OASL: variants seen among roughly 807,000 people sequenced by gnomAD.
OASL encodes the protein 2'-5'-oligoadenylate synthase-like protein.
OASL carries 28 observed loss-of-function variants against 35.3 expected under a neutral mutation model. The observed-to-expected ratio is 0.79, with a 90% CI of 0.59 to 1.09. The LOEUF (loss-of-function observed/expected upper bound fraction) is 1.09, where lower values mean the gene tolerates loss of function less well. Among genes scored for constraint, OASL ranks in the 50% least tolerant of loss-of-function variants. OASL has a pLI of 0.00. For synonymous variants in OASL, 252 were observed against 254.6 expected (o/e 0.99, Z 0.10); for missense variants, 620 against 635.2 (o/e 0.98, Z 0.26).
At chr12:121,033,213 C>T (rs1378014409) in intron 2 of OASL, among the ~76,000 whole-genome samples, 1 of 152,092 alleles carries the variant, frequency 6.6e-6, no homozygotes, top group Admixed American at 6.6e-5. Flanking sequence ...CGTGAGCCAC[C>T]GCGCCCAGGC....
intron 4 of OASL, among the ~76,000 whole-genome samples, chr12:121,026,883 C>G (rs1869508803): frequency 6.6e-6 from 1 of 151,662 alleles, no homozygotes; most frequent in African/African-American, 2.4e-5. Flanking sequence ...CGCAATGAGA[C>G]CCAGATTCCT....
chr12:121,023,155 T>C (rs1432676230), intron 5 of OASL, among the ~76,000 whole-genome samples: 1 of 152,174 alleles, frequency 6.6e-6, no homozygotes, highest in East Asian at 1.9e-4. Context: ...ATTTTTTGTT[T>C]GTTTGTTTGT....
intron 2 of OASL, among the ~76,000 whole-genome samples, chr12:121,032,065 G>A (rs1869756219): frequency 1.3e-5 from 2 of 152,008 alleles, no homozygotes; most frequent in South Asian, 2.1e-4. Context: ...GCATGGTGGC[G>A]GGCTGTAATC....
chr12:121,035,048 G>C (rs1169277863), intron 1 of OASL, among the ~76,000 whole-genome samples: 1 of 151,730 alleles, frequency 6.6e-6, no homozygotes, highest in Non-Finnish European at 1.5e-5. Flanking sequence ...GAATTGCTAG[G>C]GAGGCATCAG....
At chr12:121,032,230 A>G (rs1869767486) in intron 2 of OASL, among the ~76,000 whole-genome samples, 1 of 152,080 alleles carries the variant, frequency 6.6e-6, no homozygotes, top group Admixed American at 6.6e-5. Context: ...AGGGAGAACC[A>G]GGAACCAGTT....
chr12:121,023,807 C>T (rs1869356684), intron 5 of OASL, 183 bp downstream of exon 5: 1 of 570,790 alleles, frequency 1.8e-6, no homozygotes, highest in Non-Finnish European at 3.0e-6. Flanking sequence ...GTAAGAAACC[C>T]AAGGCTCTGA....
intron 1 of OASL, 150 bp downstream of exon 1, chr12:121,038,624 G>C: frequency 1.5e-6 from 1 of 681,678 alleles, no homozygotes; most frequent in Non-Finnish European, 2.5e-6. Flanking sequence ...TGGTGCAGTG[G>C]GGTGTAGACA....
chr12:121,033,727 T>C, exon 2 of OASL: 2 of 1,612,928 alleles, frequency 1.2e-6, no homozygotes, highest in South Asian at 1.1e-5. Flanking sequence ...AACCGTGCCA[T>C]TCCCGAAGGA....
chr12:121,033,734 A>G (rs1350974701), exon 2 of OASL: 1 of 1,612,436 alleles, frequency 6.2e-7, no homozygotes, highest in Non-Finnish European at 8.5e-7. Flanking sequence ...CCATTCCCGA[A>G]GGAGCCCACC....
intron 5 of OASL, among the ~76,000 whole-genome samples, chr12:121,022,353 G>C (rs1869279321): frequency 6.6e-6 from 1 of 152,108 alleles, no homozygotes; most frequent in African/African-American, 2.4e-5. Flanking sequence ...CCAAAGTGCT[G>C]GGATTACAGA....
chr12:121,023,823 AAAGAATTTGTCC>A, intron 5 of OASL, 155 bp downstream of exon 5: 2 of 668,542 alleles, frequency 3.0e-6, no homozygotes, highest in Non-Finnish European at 4.8e-6. Context: ...TCTGAGAGCC[AAAGAATTTGTCC>A]AAGTTCACGG....
exon 6 of OASL, chr12:121,020,500 A>C: frequency 6.6e-7 from 1 of 1,504,046 alleles, no homozygotes; most frequent in Non-Finnish European, 9.0e-7. Context: ...GGACAGAGTG[A>C]TTGACAGGAT....
At chr12:121,033,472 T>C in exon 2 of OASL, 3 of 1,610,220 alleles carry the variant, frequency 1.9e-6, no homozygotes, top group Non-Finnish European at 2.5e-6. Flanking sequence ...CAGGGCTCTG[T>C]AGGCAGGCAC....
intron 2 of OASL, among the ~76,000 whole-genome samples, chr12:121,032,419 C>A (rs926061465): frequency 6.6e-6 from 1 of 152,158 alleles, no homozygotes; most frequent in African/African-American, 2.4e-5. Context: ...TTACTTCAAA[C>A]ACCTAGGACT....
At chr12:121,032,142 G>A (rs1029815544) in intron 2 of OASL, among the ~76,000 whole-genome samples, 2 of 152,110 alleles carry the variant, frequency 1.3e-5, no homozygotes, top group South Asian at 2.1e-4. Context: ...GCAGTGAGCC[G>A]AGATCACGGC....
At chr12:121,032,864 C>T (rs1214944894) in intron 2 of OASL, among the ~76,000 whole-genome samples, 1 of 152,126 alleles carries the variant, frequency 6.6e-6, no homozygotes, top group Non-Finnish European at 1.5e-5. Context: ...GTTACCCAGG[C>T]CACCCCATTC....
intron 5 of OASL, among the ~76,000 whole-genome samples, chr12:121,022,290 T>A (rs967538849): frequency 1.3e-5 from 2 of 152,114 alleles, no homozygotes; most frequent in Admixed American, 6.6e-5. Context: ...TTTTACCATG[T>A]TGGCCAGGAT....
At chr12:121,021,247 C>G (rs1409874008) in intron 5 of OASL, among the ~76,000 whole-genome samples, 189 bp from the exon 6 acceptor site, 1 of 152,200 alleles carries the variant, frequency 6.6e-6, no homozygotes, top group Non-Finnish European at 1.5e-5. Context: ...GCATTTTATT[C>G]TCAGAGCATC....
At position 121,037,591 on chromosome 12, in the gene OASL, G is replaced by A. The variant is rs147342793; in HGVS notation, c.198+1183C>T. On this transcript the variant is annotated intron_variant, in intron 1 of 5. Transcript: ENST00000257570. ...AGATCGAGACCATCCTAGCCAACAC[G>A]GTGAAACCCTGTCTCTACTAAAATA... 6.1e-4 allele frequency among the ~76,000 whole-genome samples: 92 copies of A among 150,852 alleles called. 1 individual carries two copies. The highest frequency in any genetic ancestry group is 2.2e-3 in the African/African-American group (91 of 41,000).
Sources: allele counts gnomAD v4.1 joint callset (sites outside exome capture counted in the v4.1 genomes callset), GRCh38; gene constraint gnomAD v4.1.1; transcripts MANE v1.5; gene names NCBI Gene and HGNC (gene_info 2026-07-23, HGNC 2026-07-21).